ZNF514: variants seen among roughly 807,000 people sequenced by gnomAD.
ZNF514 encodes the protein zinc finger protein 514.
In ZNF514, 12 loss-of-function variants were observed where a neutral mutation model predicts 9.7. The observed-to-expected ratio is 1.24, with a 90% CI of 0.79 to 2.01. The LOEUF is 2.01. Ranked by LOEUF, ZNF514 falls within the 30% of genes most tolerant of loss-of-function variation. ZNF514 has a pLI of 0.00. For synonymous variants in ZNF514, 158 were observed against 163.7 expected, an observed-to-expected ratio of 0.97 and a Z score of 0.27; for missense variants, 467 against 465.5, an observed-to-expected ratio of 1.00 and a Z score of -0.03.
At chr2:95,150,829 A>G (rs1343208803) in intron 4 of ZNF514, among the ~76,000 whole-genome samples, 2 of 152,158 alleles carry the variant, frequency 1.3e-5, no homozygotes, top group African/African-American at 4.8e-5. Flanking sequence ...ATCTTCCACT[A>G]TAGCTCTATA....
rs1673442117 is a variant in ZNF514 at position 95,149,064 on chromosome 2, T to C, written c.*218A>G. The stretch of plus-strand genomic sequence containing the variant: ...TCCCACATTCATTACATTCACGTGG[T>C]TTCTCACTAGTATGGATTCTCCCAT... On this transcript the variant is annotated 3_prime_UTR_variant, in exon 5 of 5. Coordinates refer to ENST00000295208, the MANE Select transcript of ZNF514 (RefSeq NM_032788.3). 3.7e-6 allele frequency: 2 copies of C among 536,422 alleles called. No individual in the cohort carries two copies. Among genetic ancestry groups the C allele is most frequent in the Middle Eastern group, 5.0e-4 (1 of 2,018 alleles). 33.2% of individuals were successfully genotyped at this position (536,422 alleles called of 1,614,324 possible).
chr2:95,131,763 C>G, the ZNF514 span, among the ~76,000 whole-genome samples: 2 of 152,132 alleles, frequency 1.3e-5, no homozygotes, highest in Admixed American at 1.3e-4. Context: ...AATAAGCAAG[C>G]CACAACCTGA....
At chr2:95,157,014 C>A (rs1673706087) in intron 2 of ZNF514, among the ~76,000 whole-genome samples, 1 of 152,226 alleles carries the variant, frequency 6.6e-6, no homozygotes. Flanking sequence ...CCATTCACAT[C>A]CTGTTACTGG....
At chr2:95,158,933 C>G in intron 1 of ZNF514, 1 of 1,289,786 alleles carries the variant, frequency 7.8e-7, no homozygotes, top group Non-Finnish European at 1.0e-6. Context: ...CCCAAGAGGG[C>G]TCCTGGCCCT....
Position 95,148,892 on chromosome 2 carries a change from G to C in ZNF514, c.*390C>G, listed in dbSNP as rs1284272099. ...AGATTTTTCCATACTTACCACACTT[G>C]TAGGATTTCTCTCCAGTACAAGTTA... On this transcript the variant is annotated 3_prime_UTR_variant, in exon 5 of 5. Transcript: ENST00000295208. 5.6e-6 allele frequency: 1 copy of C among 179,328 alleles called. No individual in the cohort carries two copies. Among genetic ancestry groups the C allele is most frequent in the Non-Finnish European group, 1.2e-5 (1 of 85,704 alleles). 11.1% of individuals were successfully genotyped at this position (179,328 alleles called of 1,614,324 possible).
Position 95,152,704 on chromosome 2 carries a change from C to G in ZNF514, c.187G>C (p.Glu63Gln). Residue 63 changes from glutamate to glutamine, a missense_variant, in exon 4 of 5, where the codon GAG (glutamate) becomes CAG (glutamine). Transcript: ENST00000295208. ...TGGGCTCCTGTTGAGATTTCTCTCTCCACCATGAAGGGCTCACCCCCTTCC... is the reference window on the plus strand; with the variant it reads ...TGGGCTCCTGTTGAGATTTCTCTCTGCACCATGAAGGGCTCACCCCCTTCC... ...LEEGGEPFMVEREISTGAHSD... is the reference protein window; with the variant it reads ...LEEGGEPFMVQREISTGAHSD... The G allele has an allele frequency of 6.2e-7, 1 of 1,614,162 alleles. No homozygotes were observed. The highest frequency in any genetic ancestry group is 8.5e-7 in the Non-Finnish European group (1 of 1,180,032).
At position 95,148,124 on chromosome 2, in the gene ZNF514, G is replaced by C. The variant is rs1558698918; in HGVS notation, c.*1158C>G. ...AGAGGTGTTGTACTGCAAAGATCCA[G>C]TCTATTAATCTCCATACTACAGCTG... On this transcript the variant is annotated 3_prime_UTR_variant, in exon 5 of 5. Coordinates refer to ENST00000295208, the MANE Select transcript of ZNF514 (RefSeq NM_032788.3). 1.3e-5 allele frequency: 2 copies of C among 152,234 alleles called. No individual in the cohort carries two copies. 9.4% of individuals were successfully genotyped at this position (152,234 alleles called of 1,614,324 possible). A position where few individuals can be genotyped will look rare whatever the true frequency, so the allele number is the denominator to read the frequency against.
chr2:95,140,118 C>T (rs563798916), downstream of ZNF514, among the ~76,000 whole-genome samples: 8 of 151,752 alleles, frequency 5.3e-5, no homozygotes, highest in Admixed American at 1.3e-4. Context: ...AATCACACAC[C>T]GGGGCCTGTC....
At chr2:95,126,392 A>AAAAAAAAAAG in the ZNF514 span, among the ~76,000 whole-genome samples, 157 of 84,350 alleles carry the variant, frequency 1.9e-3, no homozygotes, top group East Asian at 2.7e-3. Flanking sequence ...AAAAAAAAAA[A>AAAAAAAAAAG]AAAGAAAGAA....
the ZNF514 span, among the ~76,000 whole-genome samples, chr2:95,131,775 C>A: frequency 2.0e-5 from 3 of 152,104 alleles, no homozygotes; most frequent in East Asian, 1.9e-4. Context: ...ACAACCTGAA[C>A]CTTATACTTT....
downstream of ZNF514, among the ~76,000 whole-genome samples, chr2:95,143,555 G>A (rs1335628220): frequency 1.3e-5 from 2 of 152,198 alleles, no homozygotes; most frequent in Non-Finnish European, 2.9e-5. Context: ...GGAGGCAGAA[G>A]TTACAGTGTG....
At chr2:95,132,806 T>G in the ZNF514 span, among the ~76,000 whole-genome samples, 8 of 147,828 alleles carry the variant, frequency 5.4e-5, no homozygotes, top group Non-Finnish European at 1.0e-4. Context: ...AGGCGGAGGT[T>G]GCAGTGAGCT....
At chr2:95,135,772 G>A in the ZNF514 span, among the ~76,000 whole-genome samples, 1 of 151,538 alleles carries the variant, frequency 6.6e-6, no homozygotes, top group African/African-American at 2.4e-5. Flanking sequence ...CACATGTATA[G>A]AAATATTACT....
At chr2:95,139,381 C>T in the ZNF514 span, among the ~76,000 whole-genome samples, 3 of 152,192 alleles carry the variant, frequency 2.0e-5, no homozygotes, top group Admixed American at 2.0e-4. Context: ...GTGGAGCTGC[C>T]CAAGGCCTGG....
At chr2:95,136,041 C>T in the ZNF514 span, among the ~76,000 whole-genome samples, 8 of 151,646 alleles carry the variant, frequency 5.3e-5, no homozygotes, top group Admixed American at 1.3e-4. Flanking sequence ...TCTAGCCTGG[C>T]GACAGAGCGA....
intron 4 of ZNF514, among the ~76,000 whole-genome samples, chr2:95,150,976 G>C (rs1403719306): frequency 6.6e-6 from 1 of 152,182 alleles, no homozygotes; most frequent in Non-Finnish European, 1.5e-5. Flanking sequence ...TCAGGGACAA[G>C]CTCATGTCCT....
intron 1 of ZNF514, chr2:95,158,976 G>C (rs1420849795): frequency 7.8e-7 from 1 of 1,288,606 alleles, no homozygotes; most frequent in African/African-American, 1.5e-5. Context: ...TGATGCTGTG[G>C]AGTCCATAGC....
At chr2:95,125,303 T>C in the ZNF514 span, among the ~76,000 whole-genome samples, 225 of 149,778 alleles carry the variant, frequency 1.5e-3, 1 homozygote, top group Non-Finnish European at 2.7e-3. Context: ...TATAGTGGCA[T>C]GATCTCAGCT....
the ZNF514 span, among the ~76,000 whole-genome samples, chr2:95,134,412 G>A: frequency 6.6e-6 from 1 of 152,150 alleles, no homozygotes; most frequent in African/African-American, 2.4e-5. Context: ...TCAGGCCATG[G>A]TTAAGGCTCT....
Sources: gnomAD v4.1 joint callset for allele counts (sites outside exome capture counted in the v4.1 genomes callset) on GRCh38, gnomAD v4.1.1 for gene constraint, MANE v1.5 for transcripts, NCBI Gene and HGNC (gene_info 2026-07-23, HGNC 2026-07-21) for gene names.